The following HRH4 variants were observed in gnomAD, a reference collection of about 807,000 sequenced individuals.
HRH4 encodes the protein histamine receptor H4.
Under a neutral mutation model 10.4 loss-of-function variants are expected in HRH4, and 12 were observed. That is an observed-to-expected ratio of 1.15 (90% CI 0.74 to 1.87). The LOEUF is 1.87. Among genes scored for constraint, HRH4 ranks in the 40% most tolerant of loss-of-function variants. HRH4 has a pLI of 0.00. For missense variants in HRH4, 415 were observed against 453.3 expected (o/e 0.92, Z 0.77); for synonymous variants, 154 against 166.6 (o/e 0.92, Z 0.58).
chr18:24,462,907 C>T (rs1453132688), intron 1 of HRH4, among the ~76,000 whole-genome samples: 1 of 152,196 alleles, frequency 6.6e-6, no homozygotes, highest in African/African-American at 2.4e-5. Flanking sequence ...GAAAGTTCCA[C>T]TATAAATATA....
intron 2 of HRH4, among the ~76,000 whole-genome samples, chr18:24,475,992 G>A (rs552196287): frequency 1.3e-5 from 2 of 152,186 alleles, no homozygotes; most frequent in East Asian, 3.9e-4. Flanking sequence ...TGGGTGACAA[G>A]CGTGAAACTG....
At chr18:24,468,980 T>C (rs1189776323) in intron 2 of HRH4, 29 bp downstream of exon 2, 1 of 1,541,384 alleles carries the variant, frequency 6.5e-7, no homozygotes, top group Admixed American at 2.0e-5. Flanking sequence ...TTATCCCCCT[T>C]AGAAGATTAT....
intron 1 of HRH4, among the ~76,000 whole-genome samples, chr18:24,466,281 T>G (rs1468427646): frequency 1.2e-5 from 1 of 85,022 alleles, no homozygotes; most frequent in African/African-American, 4.5e-5. Context: ...TCCAGCTAAT[T>G]TTTGTATTTT....
Position 24,477,597 on chromosome 18 carries a change from A to C in HRH4, c.*35A>C. 2 of 1,406,952 alleles carry C rather than the reference A, an allele frequency of 1.4e-6. No homozygotes were observed. The highest frequency in any genetic ancestry group is 1.9e-6 in the Non-Finnish European group (2 of 1,037,414). The allele number at this position is 1,406,952 out of a possible 1,614,324, so 87.2% of individuals were successfully genotyped here. ...TCTCACCTCTGTAAATTTTAGTCTC[A>C]ATCTCACCTAAATGAATCAGGTCTG... On this transcript the variant is annotated 3_prime_UTR_variant, in exon 3 of 3. Transcript: ENST00000256906.
chr18:24,469,781 CA>C (rs1909884644), intron 2 of HRH4, among the ~76,000 whole-genome samples: 1 of 152,040 alleles, frequency 6.6e-6, no homozygotes, highest in South Asian at 2.1e-4. Context: ...GTTTTGGCCT[CA>C]GGGGGTATGT....
At chr18:24,466,200 C>T (rs968545053) in intron 1 of HRH4, among the ~76,000 whole-genome samples, 1 of 151,616 alleles carries the variant, frequency 6.6e-6, no homozygotes, top group African/African-American at 2.4e-5. Flanking sequence ...CCAGCCTTGA[C>T]CTCCCTGGCT....
chr18:24,462,974 T>C (rs1185782225), intron 1 of HRH4, among the ~76,000 whole-genome samples: 1 of 152,184 alleles, frequency 6.6e-6, no homozygotes, highest in East Asian at 1.9e-4. Flanking sequence ...ATGACAGTCA[T>C]CACTTAAAAT....
At chr18:24,467,637 G>A (rs769315653) in intron 1 of HRH4, among the ~76,000 whole-genome samples, 18 of 152,084 alleles carry the variant, frequency 1.2e-4, no homozygotes, top group Non-Finnish European at 1.9e-4. Flanking sequence ...TCCATCTCCC[G>A]GGTTCAAGCG....
intron 2 of HRH4, among the ~76,000 whole-genome samples, chr18:24,472,616 G>T (rs1910002283): frequency 6.6e-6 from 1 of 152,170 alleles, no homozygotes; most frequent in Non-Finnish European, 1.5e-5. Flanking sequence ...GTAGCAGTGG[G>T]GAAGCTGAAC....
At chr18:24,463,019 G>C (rs539702180) in intron 1 of HRH4, among the ~76,000 whole-genome samples, 9 of 152,164 alleles carry the variant, frequency 5.9e-5, no homozygotes, top group Non-Finnish European at 1.2e-4. Flanking sequence ...AAGGGAGTGA[G>C]GCCCTGACTG....
Position 24,477,472 on chromosome 18 carries a change from T to C in HRH4, c.1083T>C (p.Cys361=), listed in dbSNP as rs776574126. ...TCAATCCTCTTTTGTATCCATTGTG[T>C]CACAAGCGCTTTCAAAAGGCTTTCT... ...SFVNPLLYPL[C]HKRFQKAFLK... Residue 361 remains cysteine (C), a synonymous_variant, in exon 3 of 3, where the codon TGT becomes TGC. Coordinates refer to ENST00000256906, the MANE Select transcript of HRH4 (RefSeq NM_021624.4). The C allele has an allele frequency of 1.9e-6, 3 of 1,612,754 alleles. No homozygotes were observed. The East Asian group carries it at 6.7e-5, about 36-fold the overall frequency.
At position 24,476,876 on chromosome 18, in the gene HRH4, G is replaced by A. The variant is rs1361424243; in HGVS notation, c.487G>A (p.Glu163Lys). The A allele has an allele frequency of 3.1e-6, 5 of 1,614,214 alleles. No individual in the cohort carries two copies. The highest frequency in any genetic ancestry group is 4.2e-6 in the Non-Finnish European group (5 of 1,180,042). ...VSESWKDEGS[E>K]CEPGFFSEWY... ...AGAGTCTTGGAAGGATGAAGGTAGT[G>A]AATGTGAACCTGGATTTTTTTCGGA... The change falls in exon 3 of 3, where the codon GAA becomes AAA. Residue 163 changes from glutamate (E) to lysine (K), a missense_variant. Physicochemically the swap from Glu to Lys is moderately conservative, Grantham distance 56. Coordinates refer to ENST00000256906, the MANE Select transcript of HRH4 (RefSeq NM_021624.4).
chr18:24,468,560 G>A (rs1050733588), intron 1 of HRH4, among the ~76,000 whole-genome samples: 1 of 152,196 alleles, frequency 6.6e-6, no homozygotes, highest in Non-Finnish European at 1.5e-5. Flanking sequence ...CATGGATAAA[G>A]AGGGCCCACT....
rs1022956031 is a variant in HRH4, at chr18:24,477,663, C to T, written c.*101C>T. On this transcript the variant is annotated 3_prime_UTR_variant, in exon 3 of 3. Coordinates refer to ENST00000256906, the MANE Select transcript of HRH4 (RefSeq NM_021624.4). ...TTTTCATTCTACCAACAGATCTGCA[C>T]TTTGAAGTCAATGGTAAATTACTCC... 1 of 729,984 alleles carries T rather than the reference C, an allele frequency of 1.4e-6. No individual in the cohort carries two copies. The allele number at this position is 729,984 out of a possible 1,614,324, so 45.2% of individuals were successfully genotyped here.
intron 1 of HRH4, among the ~76,000 whole-genome samples, chr18:24,466,484 G>A (rs759140243): frequency 2.0e-5 from 3 of 151,794 alleles, no homozygotes; most frequent in Non-Finnish European, 4.4e-5. Flanking sequence ...GGCACCCTAA[G>A]GAAGTTTACT....
intron 1 of HRH4, among the ~76,000 whole-genome samples, chr18:24,465,434 A>G (rs1599775188): frequency 6.6e-6 from 1 of 152,056 alleles, no homozygotes; most frequent in Non-Finnish European, 1.5e-5. Flanking sequence ...AACGGCTGGG[A>G]TGGAGTGATT....
intron 2 of HRH4, among the ~76,000 whole-genome samples, chr18:24,470,795 C>T (rs928626613): frequency 2.7e-5 from 4 of 150,638 alleles, no homozygotes; most frequent in Non-Finnish European, 4.4e-5. Flanking sequence ...TGAGCCACTG[C>T]GCCTAGCCCA....
chr18:24,477,271 A>G lies in HRH4; in HGVS notation c.882A>G (p.Glu294=), dbSNP rs1194888510. 6.2e-7 allele frequency: 1 copy of G among 1,614,202 alleles called. No individual in the cohort carries two copies. The highest frequency in any genetic ancestry group is 1.1e-5 in the South Asian group (1 of 91,082). The change falls in exon 3 of 3, where the codon GAA becomes GAG. Residue 294 remains glutamate, a synonymous_variant. Transcript: ENST00000256906. The part of the protein sequence containing the change: ...SVALHQREHV[E]LLRARRLAKS... ...CTCTTCACCAAAGGGAACATGTTGAACTGCTTAGAGCCAGGAGATTAGCCA... is the reference window on the plus strand; with the variant it reads ...CTCTTCACCAAAGGGAACATGTTGAGCTGCTTAGAGCCAGGAGATTAGCCA...
intron 1 of HRH4, among the ~76,000 whole-genome samples, chr18:24,464,212 G>A (rs1172307740): frequency 1.3e-5 from 2 of 152,132 alleles, no homozygotes; most frequent in African/African-American, 4.8e-5. Context: ...CTGGAGCTGG[G>A]GACATCCCAG....
Sources: gnomAD v4.1 joint callset for allele counts (sites outside exome capture counted in the v4.1 genomes callset) on GRCh38, gnomAD v4.1.1 for gene constraint, MANE v1.5 for transcripts, NCBI Gene and HGNC (gene_info 2026-07-23, HGNC 2026-07-21) for gene names.